RP1: variants seen among roughly 807,000 people sequenced by gnomAD.
RP1 encodes the protein oxygen-regulated protein 1.
Under a neutral mutation model 14.8 loss-of-function variants are expected in RP1, and 16 were observed. That is an observed-to-expected ratio of 1.08 (90% CI 0.73 to 1.65). The LOEUF is 1.65. Among genes scored for constraint, RP1 ranks in the 40% most tolerant of loss-of-function variants. The pLI is 0.00. For missense variants in RP1, 2,631 were observed against 2,535.0 expected (o/e 1.04, Z -0.81); for synonymous variants, 876 against 883.6 (o/e 0.99, Z 0.15).
chr8:54,752,518 A>G (rs1435810583), intron 19 of RP1, among the ~76,000 whole-genome samples: 1 of 152,176 alleles, frequency 6.6e-6, no homozygotes, highest in East Asian at 1.9e-4. Context: ...AGACGTTACA[A>G]ATTTTTATTT....
intron 28 of RP1, chr8:54,865,956 T>C (rs1308850423): frequency 1.1e-6 from 1 of 885,692 alleles, no homozygotes; most frequent in African/African-American, 1.7e-5. Flanking sequence ...TTATGCTCTC[T>C]TTGTCCAATT....
Position 54,587,199 on chromosome 8 carries a change from G to T in RP1, c.-13+27879G>T, listed in dbSNP as rs543278509. 2.0e-5 allele frequency among the ~76,000 whole-genome samples: 3 copies of T among 152,280 alleles called. No individual in the cohort carries two copies. The East Asian group carries it at 5.8e-4, about 29-fold the overall frequency. On this transcript the variant is annotated intron_variant, in intron 1 of 22. Transcript: ENST00000636932. ...GTGATCTTTAGAGAATGCACATCTT[G>T]CAGAACACCTGAGGTGAGGAGTTTG...
intron 18 of RP1, among the ~76,000 whole-genome samples, chr8:54,734,942 A>G (rs1049614842): frequency 1.3e-5 from 2 of 152,010 alleles, no homozygotes; most frequent in Non-Finnish European, 2.9e-5. Context: ...AAGCAAGGAA[A>G]GTTGTAGAAA....
exon 15 of RP1, chr8:54,706,534 G>T (rs1164646602): frequency 5.2e-6 from 8 of 1,535,860 alleles, no homozygotes; most frequent in Non-Finnish European, 6.1e-6. Flanking sequence ...ACTGGAGTGG[G>T]AAGCCAGTCT....
intron 24 of RP1, among the ~76,000 whole-genome samples, chr8:54,786,437 T>G (rs1227819640): frequency 6.6e-6 from 1 of 152,100 alleles, no homozygotes; most frequent in African/African-American, 2.4e-5. Flanking sequence ...TGTGTTGTGT[T>G]TAGGTGTAGA....
intron 5 of RP1, among the ~76,000 whole-genome samples, chr8:54,653,180 A>G (rs1371346500): frequency 6.6e-6 from 1 of 152,220 alleles, no homozygotes; most frequent in African/African-American, 2.4e-5. Context: ...TATTTGCTTC[A>G]GAAATGTTGT....
chr8:54,738,596 T>G, intron 18 of RP1, among the ~76,000 whole-genome samples: 1 of 152,140 alleles, frequency 6.6e-6, no homozygotes, highest in East Asian at 1.9e-4. Flanking sequence ...TTTCTTAAAA[T>G]ACAAGCCCAT....
chr8:54,749,811 G>A (rs999291905), intron 19 of RP1, among the ~76,000 whole-genome samples: 1 of 151,860 alleles, frequency 6.6e-6, no homozygotes, highest in Non-Finnish European at 1.5e-5. Flanking sequence ...TGGGATGAGT[G>A]GGAGACCTGG....
chr8:54,803,126 T>A (rs1234698745), intron 24 of RP1, among the ~76,000 whole-genome samples: 2 of 152,212 alleles, frequency 1.3e-5, no homozygotes, highest in African/African-American at 4.8e-5. Flanking sequence ...AAACCAAGAC[T>A]ACAAAATATT....
Position 54,625,291 on chromosome 8 carries a change from T to G in RP1, c.1409T>G (p.Val470Gly), listed in dbSNP as rs967778254. 1.2e-6 allele frequency: 2 copies of G among 1,614,082 alleles called. No homozygotes were observed. The highest frequency in any genetic ancestry group is 2.7e-5 in the African/African-American group (2 of 74,936). ...TCTGTGATTGGCAGTGTGACCTTAG[T>G]ATCTGAAACTGAGGTTCAAGAGAAA... ...KKSVIGSVTLVSETEVQEKMI... is the reference protein window; with the variant it reads ...KKSVIGSVTLGSETEVQEKMI... Residue 470 changes from valine to glycine, a missense_variant, in exon 4 of 4, where the codon GTA (valine) becomes GGA (glycine). By Grantham distance (109) the Val-to-Gly change is moderately radical. Coordinates refer to ENST00000220676, the MANE Select transcript of RP1 (RefSeq NM_006269.2).
downstream of RP1, among the ~76,000 whole-genome samples, chr8:54,633,915 C>A (rs1236931615): frequency 6.6e-6 from 1 of 151,908 alleles, no homozygotes; most frequent in Non-Finnish European, 1.5e-5. Flanking sequence ...GTAACAGTAC[C>A]TTTAATGTAG....
chr8:54,790,859 A>G (rs541954482), intron 24 of RP1, among the ~76,000 whole-genome samples: 18 of 152,272 alleles, frequency 1.2e-4, no homozygotes, highest in African/African-American at 4.1e-4. Flanking sequence ...TTAATGGGAT[A>G]CCATCAAGTG....
chr8:54,773,824 G>C (rs1404539183), downstream of RP1, among the ~76,000 whole-genome samples: 2 of 152,102 alleles, frequency 1.3e-5, no homozygotes, highest in African/African-American at 4.8e-5. Flanking sequence ...TTTCTGACTT[G>C]AGGGATTTAA....
At chr8:54,657,333 C>T (rs1372429756) in intron 6 of RP1, among the ~76,000 whole-genome samples, 1 of 152,148 alleles carries the variant, frequency 6.6e-6, no homozygotes, top group African/African-American at 2.4e-5. Context: ...TCAAAGAAGG[C>T]ACACTCTACA....
chr8:54,676,569 T>C (rs1425425092), intron 8 of RP1, among the ~76,000 whole-genome samples: 1 of 152,180 alleles, frequency 6.6e-6, no homozygotes, highest in Non-Finnish European at 1.5e-5. Flanking sequence ...CCAACATACA[T>C]ATGTAAACAA....
At chr8:54,842,640 C>T (rs1189976231) in intron 25 of RP1, among the ~76,000 whole-genome samples, 1 of 152,202 alleles carries the variant, frequency 6.6e-6, no homozygotes, top group Non-Finnish European at 1.5e-5. Context: ...ATAGGCTGTT[C>T]TCAACCCCAC....
chr8:54,606,629 G>A (rs1805452203), intron 1 of RP1, among the ~76,000 whole-genome samples: 1 of 152,182 alleles, frequency 6.6e-6, no homozygotes. Context: ...TTAATATCCT[G>A]CAGAGTGTTT....
intron 25 of RP1, among the ~76,000 whole-genome samples, chr8:54,845,910 C>T (rs1811907009): frequency 6.6e-6 from 1 of 152,104 alleles, no homozygotes; most frequent in South Asian, 2.1e-4. Flanking sequence ...ATCTACTGGT[C>T]CTAATGTTCT....
At chr8:54,806,523 A>G (rs2129391277) in intron 24 of RP1, among the ~76,000 whole-genome samples, 1 of 152,332 alleles carries the variant, frequency 6.6e-6, no homozygotes, top group East Asian at 1.9e-4. Context: ...TTTACATTTG[A>G]AATTTCACAG....
Sources: allele counts gnomAD v4.1 joint callset (sites outside exome capture counted in the v4.1 genomes callset), GRCh38; gene constraint gnomAD v4.1.1; transcripts MANE v1.5; gene names NCBI Gene and HGNC (gene_info 2026-07-23, HGNC 2026-07-21).